ARID3C: variants seen among roughly 807,000 people sequenced by gnomAD.
ARID3C encodes AT-rich interactive domain-containing protein 3C.
In ARID3C, 42 loss-of-function variants were observed where a neutral mutation model predicts 37.9. The observed-to-expected ratio is 1.11, with a 90% CI of 0.87 to 1.43. The LOEUF is 1.43. ARID3C is among the 40% of genes most tolerant of loss of function. The pLI is 0.00. For missense variants in ARID3C, 581 were observed against 548.8 expected (o/e 1.06, Z -0.59); for synonymous variants, 213 against 228.0 (o/e 0.93, Z 0.59).
intron 1 of ARID3C, among the ~76,000 whole-genome samples, chr9:34,626,391 A>C (rs1820654596): frequency 6.6e-6 from 1 of 152,120 alleles, no homozygotes; most frequent in Non-Finnish European, 1.5e-5. Context: ...TTTCAGAGGC[A>C]GTTAACCTGC....
At chr9:34,627,672 C>G (rs780898521) in intron 1 of ARID3C, 25 bp downstream of exon 2, 23 of 1,561,806 alleles carry the variant, frequency 1.5e-5, no homozygotes, top group Non-Finnish European at 2.0e-5. Context: ...GGAAGAGGGC[C>G]GGACATTGAG....
chr9:34,622,669 A>AGGCT, intron 4 of ARID3C, 140 bp from the exon 6 acceptor site: 2 of 896,312 alleles, frequency 2.2e-6, no homozygotes, highest in Non-Finnish European at 3.2e-6. Context: ...CTTCCCATCC[A>AGGCT]GAGCCTCAGC....
chr9:34,623,749 GGCTGCACCCA>G (rs1248156695), intron 3 of ARID3C, 35 bp from the exon 5 acceptor site: 1 of 1,508,188 alleles, frequency 6.6e-7, no homozygotes, highest in Non-Finnish European at 8.9e-7. Context: ...GTGTATGGGA[GGCTGCACCCA>G]GCTGGTCAAG....
At chr9:34,624,006 G>C in exon 3 of ARID3C, 1 of 1,600,766 alleles carries the variant, frequency 6.2e-7, no homozygotes, top group South Asian at 1.1e-5. Context: ...TACAGGTCGA[G>C]CACCTGCTTC....
chr9:34,622,440 G>A (rs368315184), exon 5 of ARID3C: 2 of 1,614,112 alleles, frequency 1.2e-6, no homozygotes, highest in East Asian at 4.5e-5. Flanking sequence ...CTCTTCTCTG[G>A]GGGCTCCTCT....
chr9:34,623,316 T>TA, intron 4 of ARID3C, 109 bp downstream of exon 5: 1 of 1,323,366 alleles, frequency 7.6e-7, no homozygotes, highest in African/African-American at 1.5e-5. Context: ...ACTGCTCCCA[T>TA]ACCTCAATGC....
exon 3 of ARID3C, chr9:34,623,961 G>T: frequency 6.2e-7 from 1 of 1,605,412 alleles, no homozygotes. Flanking sequence ...ACTTCCACCA[G>T]GCCGCCCTTG....
At chr9:34,623,867 G>A (rs765660656) in exon 3 of ARID3C, 4 of 1,595,152 alleles carry the variant, frequency 2.5e-6, no homozygotes, top group Non-Finnish European at 3.4e-6. Context: ...GCCTCACTGG[G>A]TGCGTAGAGT....
At chr9:34,630,680 C>T (rs982372934), upstream of ARID3C, among the ~76,000 whole-genome samples, 1 of 152,174 alleles carries the variant, frequency 6.6e-6, no homozygotes, top group South Asian at 2.1e-4. Context: ...CCTCCCTGCT[C>T]TCCCTGCCTC....
intron 1 of ARID3C, 21 bp downstream of exon 2, chr9:34,627,676 C>G (rs745341886): frequency 6.4e-7 from 1 of 1,568,158 alleles, no homozygotes; most frequent in South Asian, 1.2e-5. Context: ...GAGGGCCGGA[C>G]ATTGAGGGCA....
intron 1 of ARID3C, among the ~76,000 whole-genome samples, chr9:34,627,441 G>A (rs561881867): frequency 2.6e-5 from 4 of 152,292 alleles, no homozygotes; most frequent in Admixed American, 2.0e-4. Flanking sequence ...TCAAGAGTTC[G>A]AGACCGGCCT....
At chr9:34,624,151 G>C (rs1020930756) in intron 2 of ARID3C, 104 bp from the exon 4 acceptor site, 1 of 1,377,426 alleles carries the variant, frequency 7.3e-7, no homozygotes, top group Non-Finnish European at 9.6e-7. Context: ...GCGGGAAAGA[G>C]GGAGACTTGG....
chr9:34,626,472 C>T (rs1820655735), intron 1 of ARID3C, among the ~76,000 whole-genome samples: 1 of 152,138 alleles, frequency 6.6e-6, no homozygotes, highest in African/African-American at 2.4e-5. Flanking sequence ...TTAAAGGATC[C>T]ACAGGCCATC....
chr9:34,625,165 T>C (rs1186694047), intron 2 of ARID3C, among the ~76,000 whole-genome samples: 2 of 152,046 alleles, frequency 1.3e-5, no homozygotes, highest in Admixed American at 6.6e-5. Context: ...AATGAGTCAG[T>C]GTTCGGTCCC....
chr9:34,622,230 TCA>T, intron 5 of ARID3C, 115 bp downstream of exon 6: 1 of 1,564,052 alleles, frequency 6.4e-7, no homozygotes, highest in Non-Finnish European at 8.7e-7. Flanking sequence ...ACACCTATAC[TCA>T]CACAGTTGTC....
downstream of ARID3C, among the ~76,000 whole-genome samples, chr9:34,621,119 A>C (rs1820550159): frequency 1.3e-5 from 2 of 151,972 alleles, no homozygotes; most frequent in South Asian, 4.2e-4. Context: ...CCCCAACCCA[A>C]CCTTTCACTT....
At chr9:34,628,350 A>G (rs1482996152), upstream of ARID3C, among the ~76,000 whole-genome samples, 1 of 152,134 alleles carries the variant, frequency 6.6e-6, no homozygotes, top group Non-Finnish European at 1.5e-5. This position sits in a 1 kb window ranked among gnomAD's most constrained non-coding sequence, Gnocchi z 5.2. Context: ...AGAGAAAGAA[A>G]AGGAGAAGGG....
chr9:34,632,357 AG>A (rs929114388), upstream of ARID3C, among the ~76,000 whole-genome samples: 10 of 152,112 alleles, frequency 6.6e-5, no homozygotes, highest in Admixed American at 1.3e-4. Flanking sequence ...GGGTTGGAAT[AG>A]GGGGGCTGAA....
Position 34,621,573 on chromosome 9 carries a change from A to G in ARID3C, c.1139-15T>C. ...AAAGAGGACACCTGGCAAAGGGGTG[A>G]GGAGATGGTAGAGGGCAAAAACAAG... is the stretch of plus-strand genomic sequence containing the variant. On this transcript the variant is annotated splice_polypyrimidine_tract_variant and intron_variant, in intron 6 of 6. Coordinates refer to ENST00000378909, the Ensembl canonical transcript of ARID3C. 6.4e-7 allele frequency: 1 copy of G among 1,567,292 alleles called. No homozygotes were observed. Among genetic ancestry groups the G allele is most frequent in the Non-Finnish European group, 8.6e-7 (1 of 1,164,662 alleles).
Sources: gnomAD v4.1 joint callset for allele counts (sites outside exome capture counted in the v4.1 genomes callset) on GRCh38, gnomAD v4.1.1 for gene constraint, Gnocchi (gnomAD v3.1) non-coding constraint, MANE v1.5 for transcripts, NCBI Gene and HGNC (gene_info 2026-07-23, HGNC 2026-07-21) for gene names.